The following TMEM248 variants were observed in gnomAD, a reference collection of about 807,000 sequenced individuals.
TMEM248 encodes UPF0458 protein C7orf42.
TMEM248 carries 9 observed loss-of-function variants against 30.3 expected under a neutral mutation model. The ratio of observed to expected loss-of-function variants is 0.30; its 90% CI spans 0.18 to 0.52. The LOEUF (loss-of-function observed/expected upper bound fraction) is 0.52. Among genes scored for constraint, TMEM248 ranks in the 20% least tolerant of loss-of-function variants. The pLI, the probability that TMEM248 is intolerant of heterozygous loss-of-function variation, is 0.97. For synonymous variants in TMEM248, 184 were observed against 154.4 expected (o/e 1.19, Z -1.42); for missense variants, 338 against 403.3 (o/e 0.84, Z 1.39).
intron 5 of TMEM248, among the ~76,000 whole-genome samples, chr7:66,952,055 C>T (rs3823610): frequency 0.077 from 11,634 of 151,546 alleles, 597 homozygotes; most frequent in East Asian, 0.28. Flanking sequence ...TGGCCTGGCC[C>T]TTTGCCCTTT....
rs1156882038 is a variant in TMEM248, at chr7:66,931,792, C to CTTTTT, written c.-18-10030_-18-10026dup. ...TGTGCCCAACCAGGAGGCCTTCCTC[C>CTTTTT]TTTTTTTTTTTTTTTTTTTTTTTTT... On this transcript the variant is annotated intron_variant, in intron 1 of 6. Transcript: ENST00000341567. Among the ~76,000 whole-genome samples the CTTTTT allele has an allele frequency of 4.7e-4, 42 of 88,462 alleles. 2 individuals carry two copies. The highest frequency in any genetic ancestry group is 1.5e-3 in the East Asian group (4 of 2,642). 58.0% of individuals were successfully genotyped at this position (88,462 alleles called of 152,430 possible). A position where few individuals can be genotyped will look rare whatever the true frequency, so the allele number is the denominator to read the frequency against.
At chr7:66,938,832 G>T (rs1791871673) in intron 1 of TMEM248, among the ~76,000 whole-genome samples, 1 of 152,184 alleles carries the variant, frequency 6.6e-6, no homozygotes, top group Non-Finnish European at 1.5e-5. Context: ...TATGGCAAAA[G>T]ATACCATAAA....
At position 66,921,771 on chromosome 7, in the gene TMEM248, C is replaced by T. The variant is rs1237865807; in HGVS notation, c.-19+310C>T. On this transcript the variant is annotated intron_variant, in intron 1 of 6. Coordinates refer to ENST00000341567, the MANE Select transcript of TMEM248 (RefSeq NM_017994.5). ...AATTCGGATTTGGCACGGGAAACAT[C>T]TTGGTCGTTTGCCATTTTTCGGCTT... 3 of 152,212 alleles carry T rather than the reference C, an allele frequency of 2.0e-5. No individual in the cohort carries two copies. The East Asian group carries it at 5.8e-4, about 29-fold the overall frequency. 9.4% of individuals were successfully genotyped at this position (152,212 alleles called of 1,614,324 possible).
chr7:66,938,064 G>A (rs1436367175), intron 1 of TMEM248, among the ~76,000 whole-genome samples: 2 of 152,090 alleles, frequency 1.3e-5, no homozygotes, highest in African/African-American at 4.8e-5. Flanking sequence ...TTTATAGGTA[G>A]GGTGTGTTTC....
intron 1 of TMEM248, among the ~76,000 whole-genome samples, chr7:66,923,927 A>G (rs1025090627): frequency 5.3e-5 from 8 of 152,248 alleles, no homozygotes; most frequent in Middle Eastern, 6.8e-3. Context: ...CAGCCTCCCA[A>G]TGTGCTGGGA....
intron 1 of TMEM248, among the ~76,000 whole-genome samples, chr7:66,938,178 G>A (rs1381804983): frequency 1.3e-5 from 2 of 152,146 alleles, no homozygotes; most frequent in Non-Finnish European, 2.9e-5. Flanking sequence ...TTACTGATAA[G>A]TAAGGATTTA....
intron 2 of TMEM248, among the ~76,000 whole-genome samples, chr7:66,944,348 A>G (rs1792041223): frequency 6.6e-6 from 1 of 151,202 alleles, no homozygotes; most frequent in Non-Finnish European, 1.5e-5. Flanking sequence ...CAAATGATCC[A>G]CCCACCTTGG....
intron 4 of TMEM248, among the ~76,000 whole-genome samples, chr7:66,950,719 C>T (rs927156382): frequency 5.9e-5 from 9 of 152,194 alleles, no homozygotes; most frequent in African/African-American, 2.2e-4. Context: ...AACACCCAAA[C>T]TCCTAAATGT....
chr7:66,944,104 T>A (rs984181813), intron 2 of TMEM248, among the ~76,000 whole-genome samples: 1 of 75,236 alleles, frequency 1.3e-5, no homozygotes, highest in East Asian at 4.8e-4. Flanking sequence ...CTCAGATGGC[T>A]TTTTTTTTTT....
At position 66,956,253 on chromosome 7, in the gene TMEM248, A is replaced by AC. The variant is rs1325570205; in HGVS notation, c.*733dup. On this transcript the variant is annotated 3_prime_UTR_variant, in exon 7 of 7. Coordinates refer to ENST00000341567, the MANE Select transcript of TMEM248 (RefSeq NM_017994.5). The stretch of plus-strand genomic sequence containing the variant: ...CTAAGTTTCATTTTCCACATGGATG[A>AC]CCAGGAACCTGGTCTTGTTGGAGCT... The AC allele has an allele frequency of 6.6e-6, 1 of 152,192 alleles. No individual in the cohort carries two copies. Among genetic ancestry groups the AC allele is most frequent in the Non-Finnish European group, 1.5e-5 (1 of 68,040 alleles). 9.4% of individuals were successfully genotyped at this position (152,192 alleles called of 1,614,324 possible).
At chr7:66,945,332 T>C (rs775844023) in intron 3 of TMEM248, 71 bp downstream of exon 3, 3 of 1,506,976 alleles carry the variant, frequency 2.0e-6, no homozygotes, top group Non-Finnish European at 2.7e-6. Context: ...GCACCGTGTA[T>C]GTTTTTACTG....
intron 6 of TMEM248, 21 bp from the exon 7 acceptor site, chr7:66,955,481 C>T (rs764908127): frequency 1.9e-6 from 3 of 1,613,796 alleles, no homozygotes; most frequent in Non-Finnish European, 2.5e-6. Context: ...TGACTGGTTT[C>T]CCTGGCTTGC....
intron 1 of TMEM248, among the ~76,000 whole-genome samples, chr7:66,924,132 G>C (rs775131012): frequency 1.1e-4 from 17 of 152,236 alleles, no homozygotes; most frequent in Non-Finnish European, 1.6e-4. Flanking sequence ...ATGTCTGTGA[G>C]TTGTTTCAGT....
intron 2 of TMEM248, among the ~76,000 whole-genome samples, chr7:66,943,817 A>C (rs1792026483): frequency 6.8e-6 from 1 of 148,146 alleles, no homozygotes; most frequent in Non-Finnish European, 1.5e-5. Context: ...TTTGAGGTGG[A>C]GTGTCACTCT....
At chr7:66,923,983 T>A (rs771050574) in intron 1 of TMEM248, among the ~76,000 whole-genome samples, 32 of 152,188 alleles carry the variant, frequency 2.1e-4, no homozygotes, top group Admixed American at 5.2e-4. Flanking sequence ...TCTAAAGAAT[T>A]GTTTTCATTT....
chr7:66,951,406 G>C, intron 5 of TMEM248: 3 of 320,194 alleles, frequency 9.4e-6, no homozygotes, highest in Admixed American at 4.9e-5. Context: ...TAATCCCTGG[G>C]GGGGGTTACA....
rs537582085 is a variant in TMEM248, at chr7:66,951,637, A to G, written c.780+502A>G. 2.9e-3 allele frequency among the ~76,000 whole-genome samples: 443 copies of G among 151,184 alleles called. 2 individuals carry two copies. The highest frequency in any genetic ancestry group is 8.9e-3 in the Admixed American group (134 of 15,020). On this transcript the variant is annotated intron_variant, in intron 5 of 6. Coordinates refer to ENST00000341567, the MANE Select transcript of TMEM248 (RefSeq NM_017994.5). ...AACAAAATACTTACCTATCTCATCT[A>G]GTAGCTGTGTGCTGCTAGCTCAGCT... is the stretch of plus-strand genomic sequence containing the variant.
At position 66,955,603 on chromosome 7, in the gene TMEM248, C is replaced by T. The variant is rs1792380577; in HGVS notation, c.*81C>T. 6.6e-7 allele frequency: 1 copy of T among 1,518,744 alleles called. No homozygotes were observed. The highest frequency in any genetic ancestry group is 9.1e-7 in the Non-Finnish European group (1 of 1,100,302). 94.1% of individuals were successfully genotyped at this position (1,518,744 alleles called of 1,614,324 possible). Reference sequence around the variant, plus strand: ...TGAACCCAGCCTGGGCCTGGATGCTCTGTGAATACATTATCTTGCGATGTT... The same window carrying T: ...TGAACCCAGCCTGGGCCTGGATGCTTTGTGAATACATTATCTTGCGATGTT... On this transcript the variant is annotated 3_prime_UTR_variant, in exon 7 of 7. Coordinates refer to ENST00000341567, the MANE Select transcript of TMEM248 (RefSeq NM_017994.5).
Position 66,944,207 on chromosome 7 carries a change from C to T in TMEM248, c.160-769C>T, listed in dbSNP as rs185230272. Reference sequence around the variant, plus strand: ...GCAACCTCCACCTCCCAGGTTCAAGCGATTCTCCTGCCTCAGCCTCCCAAG... The same window carrying T: ...GCAACCTCCACCTCCCAGGTTCAAGTGATTCTCCTGCCTCAGCCTCCCAAG... On this transcript the variant is annotated intron_variant, in intron 2 of 6. Coordinates refer to ENST00000341567, the MANE Select transcript of TMEM248 (RefSeq NM_017994.5). 9.4e-3 allele frequency among the ~76,000 whole-genome samples: 1,416 copies of T among 150,530 alleles called. 12 individuals are homozygous for T. Among genetic ancestry groups the T allele is most frequent in the Middle Eastern group, 0.017 (5 of 290 alleles).
Sources: allele counts gnomAD v4.1 joint callset (sites outside exome capture counted in the v4.1 genomes callset), GRCh38; gene constraint gnomAD v4.1.1; transcripts MANE v1.5; gene names NCBI Gene and HGNC (gene_info 2026-07-23, HGNC 2026-07-21).